Variants in COL22A1 observed in about 807,000 individuals in gnomAD.
COL22A1 encodes collagen type XXII alpha 1 chain.
COL22A1 carries 221 observed loss-of-function variants against 248.9 expected under a neutral mutation model. The observed-to-expected ratio is 0.89, with a 90% CI of 0.80 to 0.99. The LOEUF is 0.99. COL22A1 is among the 50% of genes least tolerant of loss of function. The probability of loss-of-function intolerance (pLI) is 0.00; values close to 1 mark genes in which losing one functional copy is unlikely to be tolerated. For missense variants in COL22A1, 2,240 were observed against 2,179.0 expected (o/e 1.03, Z -0.56); for synonymous variants, 891 against 793.4 (o/e 1.12, Z -2.07).
At chr8:138,669,665 T>A (rs1220577709) in intron 41 of COL22A1, among the ~76,000 whole-genome samples, 3 of 152,100 alleles carry the variant, frequency 2.0e-5, no homozygotes, top group African/African-American at 7.2e-5. Flanking sequence ...ATCTGAAACC[T>A]GGAGACAGTA....
intron 7 of COL22A1, among the ~76,000 whole-genome samples, chr8:138,819,754 A>G (rs994698073): frequency 6.7e-6 from 1 of 149,876 alleles, no homozygotes; most frequent in East Asian, 1.9e-4. Context: ...CAACATATAT[A>G]TATATTCACA....
intron 44 of COL22A1, among the ~76,000 whole-genome samples, chr8:138,657,540 T>C (rs2130637217): frequency 1.3e-5 from 2 of 152,294 alleles, no homozygotes; most frequent in South Asian, 4.1e-4. Flanking sequence ...TTGGATACAA[T>C]TTCATTAACA....
At chr8:138,735,747 G>A (rs1831057924) in intron 23 of COL22A1, among the ~76,000 whole-genome samples, 1 of 152,204 alleles carries the variant, frequency 6.6e-6, no homozygotes, top group East Asian at 1.9e-4. Flanking sequence ...ATCCTGACCT[G>A]AGTCAAGGGT....
chr8:138,841,532 G>A (rs905031190), intron 4 of COL22A1, among the ~76,000 whole-genome samples: 1 of 152,080 alleles, frequency 6.6e-6, no homozygotes, highest in Non-Finnish European at 1.5e-5. Flanking sequence ...ATCAGCTAAG[G>A]GGAGTACTGC....
At chr8:138,698,749 G>T (rs554955591) in intron 32 of COL22A1, among the ~76,000 whole-genome samples, 1 of 151,188 alleles carries the variant, frequency 6.6e-6, no homozygotes, top group South Asian at 2.1e-4. Flanking sequence ...AGAGAGGTGC[G>T]GTGTTCCTCA....
chr8:138,702,706 T>C (rs1828066769), intron 31 of COL22A1, among the ~76,000 whole-genome samples: 1 of 152,214 alleles, frequency 6.6e-6, no homozygotes, highest in Non-Finnish European at 1.5e-5. Context: ...AGATTTTTAA[T>C]ATTTATAATG....
intron 1 of COL22A1, among the ~76,000 whole-genome samples, chr8:138,883,601 C>A (rs751769423): frequency 1.3e-5 from 2 of 152,182 alleles, no homozygotes; most frequent in Non-Finnish European, 2.9e-5. Context: ...GAGGGAGGGA[C>A]CTGGTCGGAG....
chr8:138,727,396 C>A (rs564283503), intron 23 of COL22A1, among the ~76,000 whole-genome samples: 11 of 152,260 alleles, frequency 7.2e-5, no homozygotes, highest in African/African-American at 2.6e-4. Flanking sequence ...CACAGATCCT[C>A]GAGGGCAGGC....
chr8:138,867,964 C>T (rs1203843073), intron 3 of COL22A1, among the ~76,000 whole-genome samples: 2 of 152,100 alleles, frequency 1.3e-5, no homozygotes, highest in African/African-American at 2.4e-5. Flanking sequence ...AGGGTTTCAC[C>T]ATGTTGGTCA....
At chr8:138,857,988 T>C (rs549102947) in intron 3 of COL22A1, among the ~76,000 whole-genome samples, 15 of 152,230 alleles carry the variant, frequency 9.9e-5, no homozygotes, top group Non-Finnish European at 1.6e-4. Flanking sequence ...GGCCCTGGAA[T>C]GACAGCACAT....
intron 1 of COL22A1, among the ~76,000 whole-genome samples, chr8:138,906,741 C>T (rs996047383): frequency 6.6e-6 from 1 of 151,948 alleles, no homozygotes; most frequent in Non-Finnish European, 1.5e-5. Context: ...TAACCTCCAC[C>T]TCCTGGATTC....
At chr8:138,667,999 TA>T (rs78973729) in intron 41 of COL22A1, among the ~76,000 whole-genome samples, 248 of 143,210 alleles carry the variant, frequency 1.7e-3, no homozygotes, top group Non-Finnish European at 1.9e-3. Context: ...TCTATCAGAC[TA>T]AAAAAAAAAA....
At chr8:138,821,517 C>T in intron 6 of COL22A1, 106 bp from the exon 7 acceptor site, 1 of 1,171,860 alleles carries the variant, frequency 8.5e-7, no homozygotes, top group Non-Finnish European at 1.2e-6. Context: ...CTGAGTCAAT[C>T]CTGGCTGTGA....
At chr8:138,889,902 G>C (rs1412873743) in intron 1 of COL22A1, among the ~76,000 whole-genome samples, 2 of 152,084 alleles carry the variant, frequency 1.3e-5, no homozygotes, top group African/African-American at 4.8e-5. Flanking sequence ...AGAAATCTTT[G>C]TCATATATCT....
chr8:138,592,104 G>A (rs1207567910), intron 63 of COL22A1, among the ~76,000 whole-genome samples: 1 of 152,194 alleles, frequency 6.6e-6, no homozygotes, highest in Admixed American at 6.5e-5. Flanking sequence ...AATTCAATAA[G>A]AGAAATCAAA....
chr8:138,827,168 A>G, intron 5 of COL22A1: 1 of 235,298 alleles, frequency 4.2e-6, no homozygotes, highest in East Asian at 8.9e-5. Context: ...GGACAAATGG[A>G]TATACCTTAT....
intron 12 of COL22A1, among the ~76,000 whole-genome samples, chr8:138,793,148 C>T (rs1031134328): frequency 3.9e-5 from 6 of 152,188 alleles, no homozygotes; most frequent in South Asian, 2.1e-4. Context: ...CTGGACTCAT[C>T]GAGCTCTGGT....
chr8:138,694,927 C>T (rs745480053), intron 32 of COL22A1, 48 bp from the exon 33 acceptor site: 1 of 1,587,614 alleles, frequency 6.3e-7, no homozygotes, highest in Non-Finnish European at 8.6e-7. Context: ...GAGAACTGCC[C>T]CTCGTCACAG....
At chr8:138,709,572 G>T (rs142903437) in intron 30 of COL22A1, among the ~76,000 whole-genome samples, 2,729 of 148,260 alleles carry the variant, frequency 0.018, 27 homozygotes, top group Middle Eastern at 0.032. Flanking sequence ...TCACTCATAG[G>T]TGGGAATTGA....
Sources: allele counts gnomAD v4.1 joint callset (sites outside exome capture counted in the v4.1 genomes callset), GRCh38; gene constraint gnomAD v4.1.1; transcripts MANE v1.5; gene names NCBI Gene and HGNC (gene_info 2026-07-23, HGNC 2026-07-21).